Variants in FCF1 observed in about 807,000 individuals in gnomAD.
FCF1 encodes the protein rRNA-processing protein FCF1 homolog.
Under a neutral mutation model 32.5 loss-of-function variants are expected in FCF1, and 17 were observed. The observed-to-expected ratio is 0.52, with a 90% CI of 0.36 to 0.78. FCF1 has a LOEUF of 0.78. FCF1 is among the 30% of genes least tolerant of loss of function. The probability of loss-of-function intolerance (pLI) is 0.00; values close to 1 mark genes in which losing one functional copy is unlikely to be tolerated. For synonymous variants in FCF1, 84 were observed against 78.4 expected (o/e 1.07, Z -0.38); for missense variants, 201 against 241.1 (o/e 0.83, Z 1.10).
chr14:74,713,397 A>G, intron 1 of FCF1, 88 bp from the exon 2 acceptor site: 1 of 1,537,062 alleles, frequency 6.5e-7, no homozygotes, highest in Non-Finnish European at 8.9e-7. Flanking sequence ...TGAGGCAAGA[A>G]GGGAAGGCAA....
chr14:74,716,667 A>G (rs2090425382), intron 4 of FCF1, among the ~76,000 whole-genome samples: 1 of 152,192 alleles, frequency 6.6e-6, no homozygotes, highest in African/African-American at 2.4e-5. Context: ...CCTCCTTTAA[A>G]TGATCTTCCT....
intron 4 of FCF1, among the ~76,000 whole-genome samples, chr14:74,720,963 C>G (rs906568916): frequency 2.0e-5 from 3 of 150,604 alleles, no homozygotes; most frequent in Admixed American, 2.0e-4. Context: ...ACTACAGCCT[C>G]TGCCTCCCGG....
chr14:74,734,837 C>A, intron 7 of FCF1, 45 bp from the exon 8 acceptor site: 2 of 1,461,164 alleles, frequency 1.4e-6, no homozygotes, highest in South Asian at 1.1e-5. Context: ...TAGATGGGTT[C>A]TCTTCCCATC....
chr14:74,715,139 C>G (rs186793316), intron 3 of FCF1, among the ~76,000 whole-genome samples, 196 bp downstream of exon 3: 120 of 152,148 alleles, frequency 7.9e-4, no homozygotes, highest in African/African-American at 2.7e-3. Flanking sequence ...AAAATTTCCC[C>G]TAAAATCCTG....
chr14:74,732,625 G>A, intron 5 of FCF1, 106 bp from the exon 6 acceptor site: 1 of 757,260 alleles, frequency 1.3e-6, no homozygotes, highest in Admixed American at 2.2e-5. Flanking sequence ...TTCAGGAGGA[G>A]AACAGTGCCT....
rs777007582 is a variant in FCF1 at position 74,713,596 on chromosome 14, T to G, written c.71+44T>G. ...CTGCCCAGGGATATTCTAATAAGAG[T>G]CTAGAGAGGATAAGTAGTAAAAATG... On this transcript the variant is annotated intron_variant, in intron 2 of 7. Transcript: ENST00000341162. The G allele has an allele frequency of 6.0e-6, 9 of 1,510,136 alleles. No individual in the cohort carries two copies. In the South Asian group the frequency reaches 1.0e-4, roughly 18 times the overall value. 93.5% of individuals were successfully genotyped at this position (1,510,136 alleles called of 1,614,324 possible). A position where few individuals can be genotyped will look rare whatever the true frequency, so the allele number is the denominator to read the frequency against.
chr14:74,725,235 A>C (rs577991225), intron 5 of FCF1, among the ~76,000 whole-genome samples: 1 of 152,128 alleles, frequency 6.6e-6, no homozygotes, highest in Non-Finnish European at 1.5e-5. Flanking sequence ...TCATGCCTGT[A>C]ATCCCAGAAC....
chr14:74,721,011 G>A lies in FCF1; in HGVS notation c.293-2261G>A, dbSNP rs1441052501. 2.7e-5 allele frequency among the ~76,000 whole-genome samples: 4 copies of A among 150,780 alleles called. No homozygotes were observed. In the East Asian group the frequency reaches 5.8e-4, roughly 22 times the overall value. ...CTCATGCCTCAGCCTCCCAGTAGCC[G>A]GGATTGCAGGTGTGTTCCACCACAC... On this transcript the variant is annotated intron_variant, in intron 4 of 7. Transcript: ENST00000341162.
intron 4 of FCF1, among the ~76,000 whole-genome samples, chr14:74,721,438 C>T (rs1240523473): frequency 1.3e-5 from 2 of 152,168 alleles, no homozygotes; most frequent in Admixed American, 6.5e-5. Context: ...CGGTGGCTCA[C>T]GCCTATAATC....
intron 4 of FCF1, among the ~76,000 whole-genome samples, chr14:74,717,024 A>T (rs35966907): frequency 0.67 from 101,423 of 151,556 alleles, 33,993 homozygotes; most frequent in East Asian, 0.73. Flanking sequence ...TTAGATGCCC[A>T]AAAATTAATT....
rs1458505305 is a variant in FCF1 at position 74,736,711 on chromosome 14, GA to G, written c.*1784del. Reference sequence around the variant, plus strand: ...AAAAAATTTTTGTTGCGTCTTTTTAGAAATCAGATATTCTGATGATTGCTCA... The same window carrying G: ...AAAAAATTTTTGTTGCGTCTTTTTAGAATCAGATATTCTGATGATTGCTCA... On this transcript the variant is annotated 3_prime_UTR_variant, in exon 8 of 8. Transcript: ENST00000341162. 1 of 151,992 alleles carries G rather than the reference GA, an allele frequency of 6.6e-6. No homozygotes were observed. The highest frequency in any genetic ancestry group is 2.4e-5 in the African/African-American group (1 of 41,360). The allele number at this position is 151,992 out of a possible 1,614,324, so 9.4% of individuals were successfully genotyped here. A position where few individuals can be genotyped will look rare whatever the true frequency, so the allele number is the denominator to read the frequency against.
rs980997702 is a variant in FCF1, at chr14:74,713,294, T to G, written c.3+94T>G. On this transcript the variant is annotated intron_variant, in intron 1 of 7. Transcript: ENST00000341162. ...CCGTGGCCAAATTTCCTTCACATTA[T>G]CCTAGCATATTTTCATTCTGGTCTT... The G allele has an allele frequency of 1.3e-5, 21 of 1,613,256 alleles. No individual in the cohort carries two copies. In the African/African-American group the frequency reaches 2.7e-4, roughly 21 times the overall value.
Position 74,734,901 on chromosome 14 carries a change from C to T in FCF1, c.568C>T (p.Pro190Ser), listed in dbSNP as rs1326771557. The change falls in exon 8 of 8, where the codon CCA becomes TCA. Residue 190 changes from proline to serine, a missense_variant. Pro to Ser is a moderately conservative substitution (Grantham distance 74). Coordinates refer to ENST00000341162, the MANE Select transcript of FCF1 (RefSeq NM_015962.5). ...GATCAGATACAACATTGAACGGATG[C>T]CAGATGATTATGGAGCCCCTCGATT... ...SNHRYNIERM[P>S]DDYGAPRF is the part of the protein sequence containing the mutation. 4 of 1,613,574 alleles carry T rather than the reference C, an allele frequency of 2.5e-6. No homozygotes were observed. The highest frequency in any genetic ancestry group is 2.7e-5 in the African/African-American group (2 of 74,884).
rs375061792 is a variant in FCF1, at chr14:74,733,889, A to T, written c.454-187A>T. Among the ~76,000 whole-genome samples, 27 of 152,278 alleles carry T rather than the reference A, an allele frequency of 1.8e-4. No homozygotes were observed. In the South Asian group the frequency reaches 4.4e-3, roughly 25 times the overall value. On this transcript the variant is annotated intron_variant, in intron 6 of 7. Transcript: ENST00000341162. Reference sequence around the variant, plus strand: ...TGCATTCAGCCCAGGCAACTTGTTTATTTTATATAACAAGATTAGGAGCTC... The same window carrying T: ...TGCATTCAGCCCAGGCAACTTGTTTTTTTTATATAACAAGATTAGGAGCTC...
At chr14:74,714,999 C>T in intron 3 of FCF1, 56 bp downstream of exon 3, 1 of 1,521,072 alleles carries the variant, frequency 6.6e-7, no homozygotes. Context: ...CTTAGAAATC[C>T]AGGCTTTCCC....
intron 4 of FCF1, among the ~76,000 whole-genome samples, chr14:74,720,112 C>T (rs2090480233): frequency 1.3e-5 from 2 of 151,990 alleles, no homozygotes; most frequent in South Asian, 2.1e-4. Context: ...ATTGCAAGAG[C>T]GAAACTCCGT....
intron 2 of FCF1, 145 bp from the exon 3 acceptor site, chr14:74,714,726 GT>G: frequency 9.1e-7 from 1 of 1,100,118 alleles, no homozygotes; most frequent in Non-Finnish European, 1.3e-6. Flanking sequence ...CTCAGAAAGA[GT>G]ATGCTGATAT....
chr14:74,733,624 A>C (rs2090666334), intron 6 of FCF1, among the ~76,000 whole-genome samples: 1 of 152,078 alleles, frequency 6.6e-6, no homozygotes, highest in African/African-American at 2.4e-5. Context: ...TGTTTCGGGG[A>C]TAGCTTACCT....
chr14:74,734,099 A>G lies in FCF1; in HGVS notation c.477A>G (p.Thr159=), dbSNP rs751749089. ...AGCATAAGTGTTACATTGTGGCCACAGTTGACCGGGACCTGAAAAGAAGAA... is the reference window on the plus strand; with the variant it reads ...AGCATAAGTGTTACATTGTGGCCACGGTTGACCGGGACCTGAAAAGAAGAA... The part of the protein sequence containing the change: ...VTQHKCYIVA[T]VDRDLKRRIR... Residue 159 remains threonine (T), a synonymous_variant, in exon 7 of 8, where the codon ACA becomes ACG. Coordinates refer to ENST00000341162, the MANE Select transcript of FCF1 (RefSeq NM_015962.5). 6.2e-7 allele frequency: 1 copy of G among 1,613,522 alleles called. No individual in the cohort carries two copies. Among genetic ancestry groups the G allele is most frequent in the Non-Finnish European group, 8.5e-7 (1 of 1,179,490 alleles).
Sources: allele counts gnomAD v4.1 joint callset (sites outside exome capture counted in the v4.1 genomes callset), GRCh38; gene constraint gnomAD v4.1.1; transcripts MANE v1.5; gene names NCBI Gene and HGNC (gene_info 2026-07-23, HGNC 2026-07-21).